CBLN4: variants seen among roughly 807,000 people sequenced by gnomAD.
CBLN4 encodes the protein cerebellin-4.
CBLN4 carries 7 observed loss-of-function variants against 14.9 expected under a neutral mutation model. The observed-to-expected ratio is 0.47, with a 90% CI of 0.27 to 0.88. CBLN4 has a LOEUF of 0.88. Ranked by LOEUF, CBLN4 falls within the 40% of genes least tolerant of loss-of-function variation. The probability of loss-of-function intolerance (pLI) is 0.14; values close to 1 mark genes in which losing one functional copy is unlikely to be tolerated. For missense variants in CBLN4, 188 were observed against 256.8 expected (o/e 0.73, Z 1.83); for synonymous variants, 131 against 116.5 (o/e 1.12, Z -0.80).
rs533871508 is a variant in CBLN4, at chr20:55,997,982, G to A, written c.*575C>T. Reference sequence around the variant, plus strand: ...TGAGAGAAGTCATGTCGATGATATCGTAGTCAAGGTAAATTTGTGGGCAAG... The same window carrying A: ...TGAGAGAAGTCATGTCGATGATATCATAGTCAAGGTAAATTTGTGGGCAAG... On this transcript the variant is annotated 3_prime_UTR_variant, in exon 3 of 3. Coordinates refer to ENST00000064571, the MANE Select transcript of CBLN4 (RefSeq NM_080617.6). The A allele has an allele frequency of 7.9e-5, 12 of 152,014 alleles. No individual in the cohort carries two copies. Among genetic ancestry groups the A allele is most frequent in the East Asian group, 1.9e-4 (1 of 5,174 alleles). 9.4% of individuals were successfully genotyped at this position (152,014 alleles called of 1,614,324 possible).
intron 1 of CBLN4, among the ~76,000 whole-genome samples, chr20:56,002,639 A>T (rs1986394325): frequency 6.6e-6 from 1 of 152,240 alleles, no homozygotes; most frequent in Admixed American, 6.5e-5. Flanking sequence ...AATACAAACT[A>T]GGGGTGGTGC....
chr20:56,004,024 T>TGGCC lies in CBLN4; in HGVS notation c.144_147dup (p.Thr50GlyfsTer56). The TGGCC allele has an allele frequency of 6.2e-7, 1 of 1,614,008 alleles. No individual in the cohort carries two copies. The highest frequency in any genetic ancestry group is 8.5e-7 in the Non-Finnish European group (1 of 1,179,982). ...GAGGAAGAGGAGCCCTTGGAGTCCG[T>TGGCC]GGCCGGGTTCGAGTCGCACACCACC... On this transcript the variant is annotated frameshift_variant, in exon 1 of 3. Transcript: ENST00000064571. LOFTEE classifies it high-confidence loss of function. The surrounding 1 kb of genome is among the most constrained non-coding windows in gnomAD (Gnocchi z 6.1).
intron 2 of CBLN4, among the ~76,000 whole-genome samples, chr20:56,000,011 G>A (rs1986343043): frequency 1.3e-5 from 2 of 152,166 alleles, no homozygotes; most frequent in Admixed American, 1.3e-4. Context: ...TAAATACTGA[G>A]CATAAGATAA....
rs1986429729 is a variant in CBLN4 at position 56,004,379 on chromosome 20, T to G, written c.-208A>C. 1 of 514,260 alleles carries G rather than the reference T, an allele frequency of 1.9e-6. No homozygotes were observed. The highest frequency in any genetic ancestry group is 3.3e-6 in the Non-Finnish European group (1 of 302,566). The allele number at this position is 514,260 out of a possible 1,614,324, so 31.9% of individuals were successfully genotyped here. A position where few individuals can be genotyped will look rare whatever the true frequency, so the allele number is the denominator to read the frequency against. ...AGCTCTCTCGCTGGCTCTGTTACCTTTGTCCTTTAAGGAGCTCATGCAGCA... is the reference window on the plus strand; with the variant it reads ...AGCTCTCTCGCTGGCTCTGTTACCTGTGTCCTTTAAGGAGCTCATGCAGCA... On this transcript the variant is annotated 5_prime_UTR_variant, in exon 1 of 3. Transcript: ENST00000064571. This position sits in a 1 kb window ranked among gnomAD's most constrained non-coding sequence, Gnocchi z 6.1.
chr20:55,998,972 A>G (rs1482582986), intron 2 of CBLN4, among the ~76,000 whole-genome samples: 2 of 152,186 alleles, frequency 1.3e-5, no homozygotes, highest in Non-Finnish European at 1.5e-5. Context: ...GAATTTCCTT[A>G]AATTCCTACA....
At position 56,004,179 on chromosome 20, in the gene CBLN4, C is replaced by G. The variant is rs1452553539; in HGVS notation, c.-8G>C. On this transcript the variant is annotated 5_prime_UTR_variant, in exon 1 of 3. Coordinates refer to ENST00000064571, the MANE Select transcript of CBLN4 (RefSeq NM_080617.6). The surrounding 1 kb of genome is among the most constrained non-coding windows in gnomAD (Gnocchi z 6.1). ...CCGGCGCCCGGAGCCCATGGTGAGC[C>G]GTGTGGGCAGCCGCAGCCGGCTGGC... The G allele has an allele frequency of 2.1e-6, 3 of 1,452,776 alleles. No individual in the cohort carries two copies. The highest frequency in any genetic ancestry group is 2.7e-6 in the Non-Finnish European group (3 of 1,108,856). The allele number at this position is 1,452,776 out of a possible 1,614,324, so 90.0% of individuals were successfully genotyped here.
In CBLN4 at chr20:56,004,938, TC is replaced by T. The variant is rs1158948289; in HGVS notation, c.-768del. 6.6e-6 allele frequency: 1 copy of T among 152,278 alleles called. No homozygotes were observed. The highest frequency in any genetic ancestry group is 1.5e-5 in the Non-Finnish European group (1 of 68,222). The allele number at this position is 152,278 out of a possible 1,614,324, so 9.4% of individuals were successfully genotyped here. A position where few individuals can be genotyped will look rare whatever the true frequency, so the allele number is the denominator to read the frequency against. ...CTCCTGCCTGGCCGCCCGCCCCCAGTCCCTGCGCACAACTTTCTCGTCCCTC... is the reference window on the plus strand; with the variant it reads ...CTCCTGCCTGGCCGCCCGCCCCCAGTCCTGCGCACAACTTTCTCGTCCCTC... On this transcript the variant is annotated 5_prime_UTR_variant, in exon 1 of 3. Transcript: ENST00000064571. The surrounding 1 kb of genome is among the most constrained non-coding windows in gnomAD (Gnocchi z 6.1).
chr20:56,002,138 C>A (rs1300263463), intron 1 of CBLN4, among the ~76,000 whole-genome samples: 1 of 152,152 alleles, frequency 6.6e-6, no homozygotes, highest in Non-Finnish European at 1.5e-5. Context: ...ATGTATCAGG[C>A]TCAACACCTA....
chr20:56,004,011 C>T lies in CBLN4; in HGVS notation c.161G>A (p.Gly54Asp). The change falls in exon 1 of 3, where the codon GGC (glycine) becomes GAC (aspartate). Residue 54 changes from glycine to aspartate, a missense_variant. Around this residue, in one of 2 missense-constraint regions of CBLN4, gnomAD observed 95 missense variants for 99.2 expected, o/e 0.96. Coordinates refer to ENST00000064571, the MANE Select transcript of CBLN4 (RefSeq NM_080617.6). This position sits in a 1 kb window ranked among gnomAD's most constrained non-coding sequence, Gnocchi z 6.1. ...CDSNPATDSK[G>D]SSSSPLGISV... ...TATCCCCAGCGGGGAGGAAGAGGAGCCCTTGGAGTCCGTGGCCGGGTTCGA... is the reference window on the plus strand; with the variant it reads ...TATCCCCAGCGGGGAGGAAGAGGAGTCCTTGGAGTCCGTGGCCGGGTTCGA... 6.2e-7 allele frequency: 1 copy of T among 1,614,032 alleles called. No individual in the cohort carries two copies. Among genetic ancestry groups the T allele is most frequent in the Non-Finnish European group, 8.5e-7 (1 of 1,179,992 alleles).
At position 56,004,660 on chromosome 20, in the gene CBLN4, C is replaced by T. The variant is rs1216292819; in HGVS notation, c.-489G>A. ...CGGCGCGGGTGCCAGTCCTGTCTGGCTTGCGGCAGGGACGAGTTACAGAGG... is the reference window on the plus strand; with the variant it reads ...CGGCGCGGGTGCCAGTCCTGTCTGGTTTGCGGCAGGGACGAGTTACAGAGG... On this transcript the variant is annotated 5_prime_UTR_variant, in exon 1 of 3. Transcript: ENST00000064571. This position sits in a 1 kb window ranked among gnomAD's most constrained non-coding sequence, Gnocchi z 6.1. 6.5e-6 allele frequency: 1 copy of T among 154,498 alleles called. No homozygotes were observed. The highest frequency in any genetic ancestry group is 1.4e-5 in the Non-Finnish European group (1 of 69,784). The allele number at this position is 154,498 out of a possible 1,614,324, so 9.6% of individuals were successfully genotyped here.
rs1986312995 is a variant in CBLN4 at position 55,998,234 on chromosome 20, A to G, written c.*323T>C. 9.7e-6 allele frequency: 3 copies of G among 310,156 alleles called. No homozygotes were observed. Among genetic ancestry groups the G allele is most frequent in the Non-Finnish European group, 1.8e-5 (3 of 167,268 alleles). The allele number at this position is 310,156 out of a possible 1,614,324, so 19.2% of individuals were successfully genotyped here. On this transcript the variant is annotated 3_prime_UTR_variant, in exon 3 of 3. Coordinates refer to ENST00000064571, the MANE Select transcript of CBLN4 (RefSeq NM_080617.6). ...ACCTGGTTGCCAGTCTTTTAAAACT[A>G]AACAAATAAAATTCCACATCTGTAA...
rs1986452862 is a variant in CBLN4 at position 56,005,404 on chromosome 20, G to C, written c.-1233C>G. ...AAAAAGGATAAGCCGCCGCGGACCC[G>C]CGCTGCGCGCTGCCCCGAACCTGGG... is the stretch of plus-strand genomic sequence containing the variant. On this transcript the variant is annotated 5_prime_UTR_variant, in exon 1 of 3. Coordinates refer to ENST00000064571, the MANE Select transcript of CBLN4 (RefSeq NM_080617.6). The C allele has an allele frequency of 6.6e-6, 1 of 152,260 alleles. No homozygotes were observed. Among genetic ancestry groups the C allele is most frequent in the African/African-American group, 2.4e-5 (1 of 41,464 alleles). 9.4% of individuals were successfully genotyped at this position (152,260 alleles called of 1,614,324 possible). A position where few individuals can be genotyped will look rare whatever the true frequency, so the allele number is the denominator to read the frequency against.
At chr20:56,003,462 T>C (rs1379564737) in intron 1 of CBLN4, among the ~76,000 whole-genome samples, 3 of 152,236 alleles carry the variant, frequency 2.0e-5, no homozygotes, top group Non-Finnish European at 4.4e-5. Context: ...ACATTTATCC[T>C]GTTCCGCAAA....
intron 2 of CBLN4, 129 bp from the exon 3 acceptor site, chr20:55,998,883 C>T (rs1986323540): frequency 1.4e-6 from 1 of 717,892 alleles, no homozygotes; most frequent in Non-Finnish European, 2.3e-6. Flanking sequence ...ATATTCCCTT[C>T]CTTTCAAATT....
rs1568834496 is a variant in CBLN4 at position 56,003,962 on chromosome 20, C to A, written c.210G>T (p.Lys70Asn). Residue 70 changes from lysine to asparagine, a missense_variant, in exon 1 of 3, where the codon AAG (lysine) becomes AAT (asparagine). Coordinates refer to ENST00000064571, the MANE Select transcript of CBLN4 (RefSeq NM_080617.6). Reference sequence around the variant, plus strand: ...TGCTCCGCACCGCCGAGAAGGCGACCTTGGAGTTGGCCGCCCGGACCGATA... The same window carrying A: ...TGCTCCGCACCGCCGAGAAGGCGACATTGGAGTTGGCCGCCCGGACCGATA... ...LGISVRAANS[K>N]VAFSAVRSTN... 6.2e-7 allele frequency: 1 copy of A among 1,614,004 alleles called. No homozygotes were observed. Among genetic ancestry groups the A allele is most frequent in the Admixed American group, 1.7e-5 (1 of 60,016 alleles).
At chr20:56,003,388 AAG>A (rs1422230179) in intron 1 of CBLN4, among the ~76,000 whole-genome samples, 1 of 152,304 alleles carries the variant, frequency 6.6e-6, no homozygotes, top group East Asian at 1.9e-4. Flanking sequence ...CCGATCTCTG[AAG>A]AGTGTGGAAG....
chr20:56,000,873 A>C, intron 1 of CBLN4, 26 bp from the exon 2 acceptor site: 1 of 1,165,284 alleles, frequency 8.6e-7, no homozygotes, highest in Non-Finnish European at 1.2e-6. Context: ...ATAAATAACA[A>C]TAAGTTATTA....
intron 2 of CBLN4, among the ~76,000 whole-genome samples, chr20:55,999,175 C>T (rs1304983434): frequency 6.6e-6 from 1 of 152,164 alleles, no homozygotes; most frequent in Non-Finnish European, 1.5e-5. Flanking sequence ...CCAGATACAA[C>T]CCAATCCTAC....
In CBLN4 at chr20:56,004,235, C is replaced by T. The variant is rs542320813; in HGVS notation, c.-64G>A. The T allele has an allele frequency of 2.9e-4, 398 of 1,352,830 alleles. 1 individual carries two copies. In the African/African-American group the frequency reaches 5.6e-3, roughly 19 times the overall value. The allele number at this position is 1,352,830 out of a possible 1,614,324, so 83.8% of individuals were successfully genotyped here. ...TGCTCGCCCGCGTCGCCTCCTACCC[C>T]GGGATCCCGGTGCTCGGGAAGATGC... is the stretch of plus-strand genomic sequence containing the variant. On this transcript the variant is annotated 5_prime_UTR_variant, in exon 1 of 3. Transcript: ENST00000064571. The surrounding 1 kb of genome is among the most constrained non-coding windows in gnomAD (Gnocchi z 6.1).
Sources: allele counts gnomAD v4.1 joint callset (sites outside exome capture counted in the v4.1 genomes callset), GRCh38; gene constraint gnomAD v4.1.1; regional missense constraint gnomAD v4.1.1; non-coding constraint Gnocchi (gnomAD v3.1); transcripts MANE v1.5; gene names NCBI Gene and HGNC (gene_info 2026-07-23, HGNC 2026-07-21).